Variants in LRMDA observed in about 807,000 individuals in gnomAD.
LRMDA encodes the protein leucine-rich melanocyte differentiation-associated protein.
LRMDA carries 18 observed loss-of-function variants against 29.8 expected under a neutral mutation model. That is an observed-to-expected ratio of 0.60 (90% CI 0.42 to 0.90). The LOEUF (loss-of-function observed/expected upper bound fraction) is 0.90. LRMDA is among the 40% of genes least tolerant of loss of function. The pLI, the probability that LRMDA is intolerant of heterozygous loss-of-function variation, is 0.00. For missense variants in LRMDA, 273 were observed against 273.9 expected, an observed-to-expected ratio of 1.00 and a Z score of 0.02; for synonymous variants, 125 against 109.4, an observed-to-expected ratio of 1.14 and a Z score of -0.89.
intron 2 of LRMDA, among the ~76,000 whole-genome samples, chr10:75,580,358 T>G (rs1230402703): frequency 1.3e-5 from 2 of 152,026 alleles, no homozygotes; most frequent in African/African-American, 4.8e-5. Flanking sequence ...GAATCCAACT[T>G]AAAAGGGATG....
intron 2 of LRMDA, among the ~76,000 whole-genome samples, chr10:75,776,606 T>G (rs16932635): frequency 6.6e-6 from 1 of 152,174 alleles, no homozygotes; most frequent in Non-Finnish European, 1.5e-5. Context: ...TTACCAGAGA[T>G]TGGTTCCCCT....
Position 75,686,079 on chromosome 10 carries a change from A to G in LRMDA, c.131+247585A>G, listed in dbSNP as rs554959501. Among the ~76,000 whole-genome samples the G allele has an allele frequency of 1.8e-3, 269 of 152,322 alleles. 1 individual carries two copies. The highest frequency in any genetic ancestry group is 3.5e-3 in the Admixed American group (53 of 15,302). On this transcript the variant is annotated intron_variant, in intron 2 of 6. Transcript: ENST00000611255. ...GGAGAGTTGGGATTTGAACCTGAAC[A>G]AGCTGGAAAGCTGCAAAGAAACATT...
chr10:75,715,551 G>A (rs1403237440), intron 2 of LRMDA, among the ~76,000 whole-genome samples: 1 of 151,946 alleles, frequency 6.6e-6, no homozygotes, highest in African/African-American at 2.4e-5. Context: ...TGTATTTTGA[G>A]CATATTCTCA....
chr10:76,116,079 G>T (rs545046357), intron 5 of LRMDA, among the ~76,000 whole-genome samples: 1 of 152,270 alleles, frequency 6.6e-6, no homozygotes, highest in South Asian at 2.1e-4. Context: ...GGCCACTGCA[G>T]GCCCTGTGGG....
chr10:75,704,693 T>C (rs933206287), intron 2 of LRMDA, among the ~76,000 whole-genome samples: 2 of 152,198 alleles, frequency 1.3e-5, no homozygotes, highest in African/African-American at 2.4e-5. Context: ...TCTTTTCTAC[T>C]GCATGGAAAC....
chr10:76,553,649 TG>T (rs1843521556), intron 6 of LRMDA, among the ~76,000 whole-genome samples: 1 of 152,210 alleles, frequency 6.6e-6, no homozygotes, highest in South Asian at 2.1e-4. Flanking sequence ...GTTTCGTGCA[TG>T]TTTGCTTTTC....
chr10:76,509,742 G>T (rs1842990890), intron 6 of LRMDA, among the ~76,000 whole-genome samples: 1 of 152,186 alleles, frequency 6.6e-6, no homozygotes, highest in Non-Finnish European at 1.5e-5. Context: ...CTATCTCATT[G>T]TTGGGATGGT....
At chr10:75,798,350 A>C (rs1169770222) in intron 2 of LRMDA, among the ~76,000 whole-genome samples, 2 of 152,044 alleles carry the variant, frequency 1.3e-5, no homozygotes, top group Admixed American at 1.3e-4. Context: ...TTTTGCTTTT[A>C]TAGATAATGC....
chr10:76,253,520 G>GGAGA lies in LRMDA; in HGVS notation c.517-70862_517-70859dup, dbSNP rs60609129. On this transcript the variant is annotated intron_variant, in intron 5 of 6. Coordinates refer to ENST00000611255, the MANE Select transcript of LRMDA (RefSeq NM_001305581.2). Reference sequence around the variant, plus strand: ...GAGAAAGGGAGTGGAGAAGAGAGGGGGAGAGAGAGAGAGAGAGAGAGATTG... The same window carrying GGAGA: ...GAGAAAGGGAGTGGAGAAGAGAGGGGGAGAGAGAGAGAGAGAGAGAGAGAGATTG... Among the ~76,000 whole-genome samples, 12 of 148,120 alleles carry GGAGA rather than the reference G, an allele frequency of 8.1e-5. No individual in the cohort carries two copies. The East Asian group carries it at 1.4e-3, about 17-fold the overall frequency.
At chr10:75,605,624 G>A (rs1409168778) in intron 2 of LRMDA, among the ~76,000 whole-genome samples, 2 of 152,200 alleles carry the variant, frequency 1.3e-5, no homozygotes, top group Non-Finnish European at 2.9e-5. Context: ...CCCTCCTGCC[G>A]CTGCTCTAAT....
chr10:75,533,904 T>C (rs1017289173), intron 2 of LRMDA, among the ~76,000 whole-genome samples: 3 of 152,202 alleles, frequency 2.0e-5, no homozygotes, highest in Admixed American at 1.3e-4. Context: ...ACATGCGATA[T>C]GTGCAACATA....
intron 2 of LRMDA, among the ~76,000 whole-genome samples, chr10:75,905,557 C>CT (rs1258284257): frequency 4.6e-5 from 7 of 151,692 alleles, no homozygotes; most frequent in African/African-American, 1.7e-4. Flanking sequence ...AAAAAAGAGT[C>CT]TGTCAAAATG....
chr10:76,312,717 G>A (rs1050514191), intron 5 of LRMDA, among the ~76,000 whole-genome samples: 5 of 151,662 alleles, frequency 3.3e-5, no homozygotes, highest in East Asian at 2.0e-4. Context: ...GGATGAATTC[G>A]GATTATAATG....
At chr10:76,384,606 T>C (rs1443190922) in intron 6 of LRMDA, among the ~76,000 whole-genome samples, 2 of 152,220 alleles carry the variant, frequency 1.3e-5, no homozygotes, top group East Asian at 3.9e-4. Context: ...CTCTCTGCTG[T>C]TTTCTTTGAG....
intron 5 of LRMDA, among the ~76,000 whole-genome samples, chr10:76,215,354 A>G (rs1851710494): frequency 6.6e-6 from 1 of 152,152 alleles, no homozygotes; most frequent in African/African-American, 2.4e-5. Context: ...AATGCAAGGC[A>G]CGTGTTCAGC....
chr10:76,270,718 C>T (rs1330608938), intron 5 of LRMDA: 1 of 152,122 alleles, frequency 6.6e-6, no homozygotes, highest in Non-Finnish European at 1.5e-5. Context: ...TTTATTCCAG[C>T]TCAGGGCAGC....
At chr10:76,349,295 A>C (rs1564516687) in intron 6 of LRMDA, among the ~76,000 whole-genome samples, 2 of 152,186 alleles carry the variant, frequency 1.3e-5, no homozygotes, top group South Asian at 4.1e-4. Flanking sequence ...GCAGGTAGTC[A>C]TAGGCAATAT....
At chr10:75,568,327 A>G (rs910539350) in intron 2 of LRMDA, among the ~76,000 whole-genome samples, 10 of 152,372 alleles carry the variant, frequency 6.6e-5, no homozygotes, top group African/African-American at 2.2e-4. Flanking sequence ...CTCCTGGTTC[A>G]GAACATAACT....
intron 2 of LRMDA, among the ~76,000 whole-genome samples, chr10:75,582,504 T>G (rs1180398987): frequency 6.6e-6 from 1 of 152,158 alleles, no homozygotes; most frequent in East Asian, 1.9e-4. Context: ...CAGGGAGCAG[T>G]GTCCTGAGGC....
Sources: allele counts gnomAD v4.1 joint callset (sites outside exome capture counted in the v4.1 genomes callset), GRCh38; gene constraint gnomAD v4.1.1; transcripts MANE v1.5; gene names NCBI Gene and HGNC (gene_info 2026-07-23, HGNC 2026-07-21).